The following REV3L variants were observed in gnomAD, a reference collection of about 807,000 sequenced individuals.
REV3L encodes DNA polymerase zeta catalytic subunit.
Under a neutral mutation model 299.4 loss-of-function variants are expected in REV3L, and 69 were observed. The ratio of observed to expected loss-of-function variants is 0.23; its 90% CI spans 0.19 to 0.28. The LOEUF is 0.28. REV3L is among the 10% of genes least tolerant of loss of function. The pLI is 1.00. For missense variants in REV3L, 3,128 were observed against 3,693.8 expected, an observed-to-expected ratio of 0.85 and a Z score of 3.97; for synonymous variants, 1,238 against 1,271.4, an observed-to-expected ratio of 0.97 and a Z score of 0.56.
At chr6:111,399,976 T>C (rs1319262742) in intron 4 of REV3L, among the ~76,000 whole-genome samples, 1 of 152,214 alleles carries the variant, frequency 6.6e-6, no homozygotes, top group Non-Finnish European at 1.5e-5. Flanking sequence ...ACTTCTATAG[T>C]TTTGCCTTTT....
chr6:111,427,472 C>T (rs932435509), intron 1 of REV3L, among the ~76,000 whole-genome samples: 4 of 152,154 alleles, frequency 2.6e-5, no homozygotes, highest in Admixed American at 2.0e-4. Flanking sequence ...CTCACTGCCA[C>T]AGGAAACCAA....
intron 4 of REV3L, among the ~76,000 whole-genome samples, chr6:111,400,589 A>T (rs1782987729): frequency 6.6e-6 from 1 of 152,108 alleles, no homozygotes; most frequent in Non-Finnish European, 1.5e-5. Context: ...GATTTTTAAG[A>T]ATTCTTATAT....
intron 4 of REV3L, among the ~76,000 whole-genome samples, chr6:111,393,549 G>A (rs1210503947): frequency 1.3e-5 from 2 of 152,008 alleles, no homozygotes; most frequent in Admixed American, 6.6e-5. Flanking sequence ...ATAATGTATT[G>A]TTGTTAACTA....
intron 31 of REV3L, among the ~76,000 whole-genome samples, chr6:111,301,883 C>CA (rs2114675755): frequency 6.6e-6 from 1 of 152,080 alleles, no homozygotes; most frequent in Non-Finnish European, 1.5e-5. Flanking sequence ...ATGAAGACTC[C>CA]AAAGGTTAAG....
At chr6:111,422,473 C>G (rs1276796873) in intron 1 of REV3L, among the ~76,000 whole-genome samples, 1 of 150,350 alleles carries the variant, frequency 6.7e-6, no homozygotes, top group Non-Finnish European at 1.5e-5. Context: ...TTTATGATGT[C>G]TTTATAGTCA....
intron 25 of REV3L, among the ~76,000 whole-genome samples, chr6:111,325,318 TA>T: frequency 6.6e-6 from 1 of 152,332 alleles, no homozygotes; most frequent in South Asian, 2.1e-4. Flanking sequence ...ACTGTCAACA[TA>T]TAAAAATTTT....
intron 31 of REV3L, among the ~76,000 whole-genome samples, chr6:111,301,383 C>T (rs1771506434): frequency 6.6e-6 from 1 of 152,110 alleles, no homozygotes; most frequent in African/African-American, 2.4e-5. Context: ...GACCCACTCC[C>T]TATTCGTACA....
intron 4 of REV3L, among the ~76,000 whole-genome samples, chr6:111,403,561 T>A (rs1387713576): frequency 6.6e-6 from 1 of 152,182 alleles, no homozygotes; most frequent in Non-Finnish European, 1.5e-5. Context: ...TGTTTTCAGG[T>A]ACCACAATAA....
intron 26 of REV3L, among the ~76,000 whole-genome samples, chr6:111,319,978 C>A (rs962492413): frequency 6.6e-6 from 1 of 151,784 alleles, no homozygotes; most frequent in South Asian, 2.1e-4. Context: ...TATAGGCATG[C>A]ACCACCACAC....
intron 1 of REV3L, among the ~76,000 whole-genome samples, chr6:111,469,960 G>A (rs1791982587): frequency 1.3e-5 from 2 of 152,078 alleles, no homozygotes; most frequent in Admixed American, 6.6e-5. Context: ...TACCTGTTCT[G>A]CTTTTCAAAT....
At chr6:111,315,174 T>C (rs1773390265) in intron 27 of REV3L, 93 bp downstream of exon 27, 2 of 1,035,162 alleles carry the variant, frequency 1.9e-6, no homozygotes, top group Non-Finnish European at 2.9e-6. Flanking sequence ...ACCCGTATAC[T>C]GTTAGTGATT....
chr6:111,456,120 CAAT>C (rs1187365549), intron 1 of REV3L, among the ~76,000 whole-genome samples: 2 of 152,198 alleles, frequency 1.3e-5, no homozygotes, highest in Non-Finnish European at 2.9e-5. Context: ...GATGTTCACA[CAAT>C]GACAAAATCG....
chr6:111,461,590 G>C (rs975652682), intron 1 of REV3L, among the ~76,000 whole-genome samples: 2 of 151,892 alleles, frequency 1.3e-5, no homozygotes, highest in Non-Finnish European at 2.9e-5. Flanking sequence ...ATTGCATGTT[G>C]ATTGCATATA....
intron 21 of REV3L, among the ~76,000 whole-genome samples, chr6:111,338,176 G>A (rs144093403): frequency 6.9e-4 from 105 of 152,160 alleles, no homozygotes; most frequent in African/African-American, 2.2e-3. Context: ...GACTGGGCAC[G>A]AATATTTCCT....
At chr6:111,380,327 T>G (rs766620690) in intron 10 of REV3L, 108 bp from the exon 11 acceptor site, 1 of 730,078 alleles carries the variant, frequency 1.4e-6, no homozygotes, top group African/African-American at 1.8e-5. Context: ...TGGCGTGATC[T>G]AGGCTCACTG....
intron 1 of REV3L, among the ~76,000 whole-genome samples, chr6:111,441,890 G>T (rs2128308480): frequency 6.6e-6 from 1 of 152,236 alleles, no homozygotes; most frequent in East Asian, 1.9e-4. Flanking sequence ...GTGGGGTATG[G>T]GGAGAAGATA....
Position 111,335,520 on chromosome 6 carries a change from C to T in REV3L, c.7629G>A (p.Met2543Ile). The T allele has an allele frequency of 6.2e-7, 1 of 1,613,552 alleles. No individual in the cohort carries two copies. Among genetic ancestry groups the T allele is most frequent in the Non-Finnish European group, 8.5e-7 (1 of 1,179,688 alleles). The change falls in exon 22 of 32, where the codon ATG (methionine) becomes ATA (isoleucine). Residue 2543 changes from methionine to isoleucine, a missense_variant. Transcript: ENST00000368802. ...AAAACTGAATGCCAAAAAGTCTAGC[C>T]ATCTCACTGGTTTTCCCAATCAGGT... Reference protein sequence around the residue: ...QLDLIGKTSEMARLFGIQFLH... With the variant: ...QLDLIGKTSEIARLFGIQFLH...
chr6:111,448,828 G>C (rs916334845), intron 1 of REV3L, among the ~76,000 whole-genome samples: 2 of 141,920 alleles, frequency 1.4e-5, no homozygotes, highest in African/African-American at 2.6e-5. Context: ...ATGAGGTCTT[G>C]GTATGTTGCC....
At chr6:111,392,607 T>C (rs1230347726) in intron 5 of REV3L, 6 of 236,258 alleles carry the variant, frequency 2.5e-5, no homozygotes, top group African/African-American at 1.1e-4. Flanking sequence ...TTAGAATAGA[T>C]GATGAAGATG....
Sources: gnomAD v4.1 joint callset for allele counts (sites outside exome capture counted in the v4.1 genomes callset) on GRCh38, gnomAD v4.1.1 for gene constraint, MANE v1.5 for transcripts, NCBI Gene and HGNC (gene_info 2026-07-23, HGNC 2026-07-21) for gene names.